The following TM9SF3 variants were observed in gnomAD, a reference collection of about 807,000 sequenced individuals.
TM9SF3 encodes SM-11044-binding protein.
In TM9SF3, 14 loss-of-function variants were observed where a neutral mutation model predicts 78.6. The observed-to-expected ratio is 0.18, with a 90% CI of 0.12 to 0.28. TM9SF3 has a LOEUF of 0.28. TM9SF3 is among the 10% of genes least tolerant of loss of function. The pLI, the probability that TM9SF3 is intolerant of heterozygous loss-of-function variation, is 1.00. For synonymous variants in TM9SF3, 231 were observed against 241.7 expected, an observed-to-expected ratio of 0.96 and a Z score of 0.41; for missense variants, 496 against 721.9, an observed-to-expected ratio of 0.69 and a Z score of 3.59.
At chr10:96,572,756 T>C (rs1848451381) in intron 2 of TM9SF3, among the ~76,000 whole-genome samples, 1 of 151,986 alleles carries the variant, frequency 6.6e-6, no homozygotes, top group South Asian at 2.1e-4. Context: ...GACCTCGTGA[T>C]CCACCCGCCT....
chr10:96,540,769 C>CTT (rs68126103), intron 9 of TM9SF3, among the ~76,000 whole-genome samples: 1,188 of 51,286 alleles, frequency 0.023, 188 homozygotes, highest in African/African-American at 0.064. Context: ...TATTACCTTT[C>CTT]TTTTTTTTTT....
At chr10:96,581,292 G>A (rs1029179830) in intron 1 of TM9SF3, among the ~76,000 whole-genome samples, 3 of 152,114 alleles carry the variant, frequency 2.0e-5, no homozygotes, top group African/African-American at 4.8e-5. Context: ...ATATGCTGAC[G>A]TGGTCATGTG....
At chr10:96,525,113 ACTCTCTGCATAATCGATTCTATAC>A (rs1409473460) in intron 14 of TM9SF3, among the ~76,000 whole-genome samples, 1 of 152,048 alleles carries the variant, frequency 6.6e-6, no homozygotes, top group East Asian at 1.9e-4. Context: ...AATTTTTTTA[ACTCTCTGCATAATCGATTCTATAC>A]CTCACTGAAT....
chr10:96,523,918 T>C (rs952287065), intron 14 of TM9SF3, among the ~76,000 whole-genome samples: 1 of 151,874 alleles, frequency 6.6e-6, no homozygotes, highest in Non-Finnish European at 1.5e-5. Flanking sequence ...GTGGTAAATC[T>C]GAACATTAAC....
At chr10:96,570,940 TG>T (rs1291918288) in intron 2 of TM9SF3, among the ~76,000 whole-genome samples, 2 of 152,102 alleles carry the variant, frequency 1.3e-5, no homozygotes, top group African/African-American at 4.8e-5. Context: ...GGTTTCACCA[TG>T]TTGGCCAAGC....
chr10:96,584,358 G>C (rs893978984), intron 1 of TM9SF3, among the ~76,000 whole-genome samples: 1 of 152,144 alleles, frequency 6.6e-6, no homozygotes, highest in African/African-American at 2.4e-5. Context: ...AGAGGAATAG[G>C]AATGCCTAGT....
At chr10:96,571,964 A>C (rs1848441980) in intron 2 of TM9SF3, among the ~76,000 whole-genome samples, 1 of 152,202 alleles carries the variant, frequency 6.6e-6, no homozygotes, top group Non-Finnish European at 1.5e-5. Flanking sequence ...TCGTAACAAC[A>C]AGTAGGCACA....
intron 14 of TM9SF3, among the ~76,000 whole-genome samples, chr10:96,526,057 G>A (rs1034207052): frequency 2.0e-5 from 3 of 152,060 alleles, no homozygotes; most frequent in African/African-American, 4.8e-5. Flanking sequence ...TACCAGCCAC[G>A]TGATGTTTAT....
chr10:96,536,405 C>T (rs531353600), intron 9 of TM9SF3, among the ~76,000 whole-genome samples: 29 of 152,000 alleles, frequency 1.9e-4, no homozygotes, highest in Non-Finnish European at 4.3e-4. Context: ...TTTTAAATAA[C>T]ACTATGTACC....
At chr10:96,565,918 T>A in intron 2 of TM9SF3, among the ~76,000 whole-genome samples, 1 of 152,272 alleles carries the variant, frequency 6.6e-6, no homozygotes, top group East Asian at 1.9e-4. Context: ...AAACACCCAG[T>A]GACTATTCAT....
intron 1 of TM9SF3, 53 bp from the exon 2 acceptor site, chr10:96,576,882 AT>A: frequency 7.3e-7 from 1 of 1,378,102 alleles, no homozygotes; most frequent in Non-Finnish European, 9.6e-7. Context: ...ACTAATTCAA[AT>A]TAAGGGAATA....
chr10:96,546,133 G>A (rs950968601), intron 8 of TM9SF3, among the ~76,000 whole-genome samples: 5 of 152,172 alleles, frequency 3.3e-5, no homozygotes, highest in Non-Finnish European at 5.9e-5. Context: ...ACAGTGTGAA[G>A]ACCTTGAGCT....
At chr10:96,540,769 CTTTTTTTTTTTTTT>C (rs68126103) in intron 9 of TM9SF3, among the ~76,000 whole-genome samples, 2 of 51,308 alleles carry the variant, frequency 3.9e-5, no homozygotes, top group Non-Finnish European at 6.7e-5. Context: ...TATTACCTTT[CTTTTTTTTTTTTTT>C]TTTTTTTTTT....
At chr10:96,549,546 G>A (rs1199608995) in intron 7 of TM9SF3, among the ~76,000 whole-genome samples, 1 of 152,094 alleles carries the variant, frequency 6.6e-6, no homozygotes, top group Non-Finnish European at 1.5e-5. Context: ...TAGGGTTGAT[G>A]TGAAGATTAA....
At chr10:96,548,915 C>T (rs1276198927) in intron 7 of TM9SF3, among the ~76,000 whole-genome samples, 1 of 152,110 alleles carries the variant, frequency 6.6e-6, no homozygotes, top group East Asian at 1.9e-4. Flanking sequence ...GCATTCCCTC[C>T]CCATGTCCCT....
At chr10:96,582,446 G>C (rs1228008591) in intron 1 of TM9SF3, among the ~76,000 whole-genome samples, 1 of 152,088 alleles carries the variant, frequency 6.6e-6, no homozygotes, top group Non-Finnish European at 1.5e-5. Flanking sequence ...GTTTTTAATG[G>C]AGTCCTTCGG....
intron 1 of TM9SF3, among the ~76,000 whole-genome samples, chr10:96,581,382 C>T (rs1411158337): frequency 6.6e-6 from 1 of 152,186 alleles, no homozygotes; most frequent in East Asian, 1.9e-4. Flanking sequence ...TGCTATCCTT[C>T]ATTTTCATAC....
At chr10:96,558,725 T>C (rs1848267250) in intron 5 of TM9SF3, among the ~76,000 whole-genome samples, 1 of 151,940 alleles carries the variant, frequency 6.6e-6, no homozygotes, top group South Asian at 2.1e-4. Context: ...GAAGTAGTGA[T>C]AGGTTCCGGT....
chr10:96,536,381 T>C (rs1019406881), intron 9 of TM9SF3, among the ~76,000 whole-genome samples: 2 of 152,090 alleles, frequency 1.3e-5, no homozygotes, highest in Non-Finnish European at 2.9e-5. Flanking sequence ...TTTAAATAAT[T>C]TGATAATCTA....
Sources: gnomAD v4.1 joint callset for allele counts (sites outside exome capture counted in the v4.1 genomes callset) on GRCh38, gnomAD v4.1.1 for gene constraint, MANE v1.5 for transcripts, NCBI Gene and HGNC (gene_info 2026-07-23, HGNC 2026-07-21) for gene names.